The following TCHH variants were observed in gnomAD, a reference collection of about 807,000 sequenced individuals.
The protein encoded by TCHH is trichohyalin.
In TCHH, 6 loss-of-function variants were observed where a neutral mutation model predicts 6.3. That is an observed-to-expected ratio of 0.95 (90% confidence interval 0.52 to 1.88). The LOEUF is 1.88. TCHH is among the 40% of genes most tolerant of loss of function. The pLI is 0.01. For missense variants in TCHH, 2,920 were observed against 2,449.1 expected (o/e 1.19, Z -4.06); for synonymous variants, 1,087 against 963.6 (o/e 1.13, Z -2.37).
chr1:152,113,869 C>T (rs1246420244), intron 2 of TCHH, 74 bp downstream of exon 2: 1 of 1,544,864 alleles, frequency 6.5e-7, no homozygotes, highest in Admixed American at 2.0e-5. Context: ...ACCACCATTC[C>T]TTGCTCTGGT....
rs186021489 is a variant in TCHH at position 152,112,503 on chromosome 1, G to C, written c.714C>G (p.Phe238Leu). Residue 238 changes from phenylalanine (F) to leucine (L), a missense_variant, in exon 3 of 3, where the codon TTC becomes TTG. Phe to Leu is a conservative substitution (Grantham distance 22, BLOSUM62 0). Transcript: ENST00000614923. ...TCCACTCTTTCTCTTCTTCCTCCTG[G>C]AACACTCTGTCTTGCCGCTCTCGCC... ...QQRRERQDRVFQEEEEKEWRK... is the reference protein window; with the variant it reads ...QQRRERQDRVLQEEEEKEWRK... The C allele has an allele frequency of 5.8e-5, 94 of 1,612,954 alleles. No individual in the cohort carries two copies. The East Asian group carries it at 1.9e-3, about 33-fold the overall frequency.
At position 152,109,031 on chromosome 1, in the gene TCHH, C is replaced by T. The variant is rs774764922; in HGVS notation, c.4186G>A (p.Glu1396Lys). The change falls in exon 3 of 3, where the codon GAA becomes AAA. Residue 1396 changes from glutamate to lysine, a missense_variant. Coordinates refer to ENST00000614923, the MANE Select transcript of TCHH (RefSeq NM_007113.4). The stretch of plus-strand genomic sequence containing the variant: ...CGCTCCTGGCAGCGCAGCTGCTGTT[C>T]CTCCTTAAGGAATTTTCTCTCCCGT... ...QERERKFLKEEQQLRCQEREQ... is the reference protein window; with the variant it reads ...QERERKFLKEKQQLRCQEREQ... 3.7e-5 allele frequency: 60 copies of T among 1,613,458 alleles called. No homozygotes were observed. Among genetic ancestry groups the T allele is most frequent in the Non-Finnish European group, 4.8e-5 (57 of 1,179,790 alleles).
At position 152,109,256 on chromosome 1, in the gene TCHH, G is replaced by A. The variant is rs776538223; in HGVS notation, c.3961C>T (p.Leu1321=). ...CTCTTCTCTTCTCTTTCCTCTCTCA[G>A]CAACTGCTTTTCCTCTTGGGACTTC... is the stretch of plus-strand genomic sequence containing the variant. ...DRKSQEEKQL[L]REEREEKRRR... The change falls in exon 3 of 3, where the codon CTG becomes TTG. Residue 1321 remains leucine (L), a synonymous_variant. Coordinates refer to ENST00000614923, the MANE Select transcript of TCHH (RefSeq NM_007113.4). 42 of 1,614,086 alleles carry A rather than the reference G, an allele frequency of 2.6e-5. No individual in the cohort carries two copies. Among genetic ancestry groups the A allele is most frequent in the Middle Eastern group, 3.3e-4 (2 of 6,084 alleles).
In TCHH at chr1:152,110,582, C is replaced by G; in HGVS notation, c.2635G>C (p.Glu879Gln). The G allele has an allele frequency of 1.2e-6, 2 of 1,614,106 alleles. No homozygotes were observed. The highest frequency in any genetic ancestry group is 1.7e-6 in the Non-Finnish European group (2 of 1,179,974). The change falls in exon 3 of 3, where the codon GAA becomes CAA. Residue 879 changes from glutamate (E) to glutamine (Q), a missense_variant. Physicochemically the swap from Glu to Gln is conservative, Grantham distance 29. Coordinates refer to ENST00000614923, the MANE Select transcript of TCHH (RefSeq NM_007113.4). ...RRDQKWRWQL[E>Q]EERKRRRHTL... ...TGGCGGCGTCTCTTCCTTTCTTCTTCTAGTTGCCACCTCCATTTTTGGTCG... is the reference window on the plus strand; with the variant it reads ...TGGCGGCGTCTCTTCCTTTCTTCTTGTAGTTGCCACCTCCATTTTTGGTCG...
rs1004540078 is a variant in TCHH at position 152,106,404 on chromosome 1, G to C, written c.*981C>G. On this transcript the variant is annotated 3_prime_UTR_variant, in exon 3 of 3. Coordinates refer to ENST00000614923, the MANE Select transcript of TCHH (RefSeq NM_007113.4). Reference sequence around the variant, plus strand: ...AAGGTATTATCAATAGGCCTCAAATGATTGTGGGCAAATGGGTCTTGTCAA... The same window carrying C: ...AAGGTATTATCAATAGGCCTCAAATCATTGTGGGCAAATGGGTCTTGTCAA... 3.3e-5 allele frequency: 5 copies of C among 152,142 alleles called. No individual in the cohort carries two copies. Among genetic ancestry groups the C allele is most frequent in the African/African-American group, 4.8e-5 (2 of 41,438 alleles). The allele number at this position is 152,142 out of a possible 1,614,324, so 9.4% of individuals were successfully genotyped here.
In TCHH at chr1:152,111,042, C is replaced by A; in HGVS notation, c.2175G>T (p.Lys725Asn). ...RQSKVYSRPR[K>N]QEGQRRRQEQ... ...CTTGGCGGCGCCTCTGCCCTTCCTGCTTGCGGGGCCTCGAGTAGACTTTGC... is the reference window on the plus strand; with the variant it reads ...CTTGGCGGCGCCTCTGCCCTTCCTGATTGCGGGGCCTCGAGTAGACTTTGC... Residue 725 changes from lysine (K) to asparagine (N), a missense_variant, in exon 3 of 3, where the codon AAG (lysine) becomes AAT (asparagine). Lys to Asn is a moderately conservative substitution (Grantham distance 94). Coordinates refer to ENST00000614923, the MANE Select transcript of TCHH (RefSeq NM_007113.4). The A allele has an allele frequency of 6.2e-7, 1 of 1,613,572 alleles. No homozygotes were observed.
Position 152,112,512 on chromosome 1 carries a change from G to A in TCHH, c.705C>T (p.Asp235=). The change falls in exon 3 of 3, where the codon GAC becomes GAT. Residue 235 remains aspartate (D), a synonymous_variant. Transcript: ENST00000614923. ...EKQQQRRERQ[D]RVFQEEEEKE... ...TCTCTTCTTCCTCCTGGAACACTCTGTCTTGCCGCTCTCGCCTTTGCTGCT... is the reference window on the plus strand; with the variant it reads ...TCTCTTCTTCCTCCTGGAACACTCTATCTTGCCGCTCTCGCCTTTGCTGCT... 1 of 1,613,272 alleles carries A rather than the reference G, an allele frequency of 6.2e-7. No individual in the cohort carries two copies. The highest frequency in any genetic ancestry group is 8.5e-7 in the Non-Finnish European group (1 of 1,179,942).
rs1194130042 is a variant in TCHH at position 152,108,830 on chromosome 1, A to C, written c.4387T>G (p.Phe1463Val). 4 of 1,585,296 alleles carry C rather than the reference A, an allele frequency of 2.5e-6. No individual in the cohort carries two copies. In the African/African-American group the frequency reaches 6.1e-5, roughly 24 times the overall value. ...QQLRQERHRKFREEEQLLQER... is the reference protein window; with the variant it reads ...QQLRQERHRKVREEEQLLQER... ...TGGAGCAGCTGTTCCTCTTCGCGGAATTTTCTGTGACGCTCCTGGCGCAGC... is the reference window on the plus strand; with the variant it reads ...TGGAGCAGCTGTTCCTCTTCGCGGACTTTTCTGTGACGCTCCTGGCGCAGC... Residue 1463 changes from phenylalanine (F) to valine (V), a missense_variant, in exon 3 of 3, where the codon TTC becomes GTC. Phe to Val is a conservative substitution (Grantham distance 50). Transcript: ENST00000614923.
rs766669255 is a variant in TCHH at position 152,107,680 on chromosome 1, C to G, written c.5537G>C (p.Arg1846Pro). The change falls in exon 3 of 3, where the codon CGG becomes CCG. Residue 1846 changes from arginine (R) to proline (P), a missense_variant. Transcript: ENST00000614923. ...CTGCGTGGCAAACTGCTCCTCCGCC[C>G]GGTACTGCCGGTCTCGCTCCTGCCG... ...RLRQERDRQYRAEEQFATQEK... is the reference protein window; with the variant it reads ...RLRQERDRQYPAEEQFATQEK... 2.4e-5 allele frequency: 39 copies of G among 1,612,864 alleles called. No individual in the cohort carries two copies. Among genetic ancestry groups the G allele is most frequent in the Non-Finnish European group, 3.1e-5 (37 of 1,180,054 alleles).
Position 152,111,746 on chromosome 1 carries a change from G to A in TCHH, c.1471C>T (p.Leu491Phe), listed in dbSNP as rs781199869. Residue 491 changes from leucine to phenylalanine, a missense_variant, in exon 3 of 3, where the codon CTC (leucine) becomes TTC (phenylalanine). Physicochemically the swap from Leu to Phe is conservative, Grantham distance 22 (BLOSUM62 0). Transcript: ENST00000614923. ...TGCTCGCGCCTCTCCTCCTCCTCGA[G>A]CTTCAGCCAACGTTCGCGCCTCTCC... ...EEERRERWLK[L>F]EEEERREQQE... The A allele has an allele frequency of 8.9e-6, 14 of 1,578,260 alleles. No homozygotes were observed. The South Asian group carries it at 1.5e-4, about 17-fold the overall frequency.
rs1197146811 is a variant in TCHH, at chr1:152,111,691, C to G, written c.1526G>C (p.Arg509Pro). The G allele has an allele frequency of 6.5e-7, 1 of 1,531,396 alleles. No homozygotes were observed. Among genetic ancestry groups the G allele is most frequent in the Admixed American group, 1.8e-5 (1 of 55,162 alleles). 94.9% of individuals were successfully genotyped at this position (1,531,396 alleles called of 1,614,324 possible). A position where few individuals can be genotyped will look rare whatever the true frequency, so the allele number is the denominator to read the frequency against. Residue 509 changes from arginine to proline, a missense_variant, in exon 3 of 3, where the codon CGG becomes CCG. Arg to Pro is a moderately radical substitution (Grantham distance 103, BLOSUM62 -2). Coordinates refer to ENST00000614923, the MANE Select transcript of TCHH (RefSeq NM_007113.4). ...CTGCTCGCGCCTCTCCTCTTGCTCC[C>G]GCCTTAGTTGCTGCTCGCGCCTCTC... ...QQERREQQLR[R>P]EQEERREQRL...
chr1:152,107,841 C>A lies in TCHH; in HGVS notation c.5376G>T (p.Glu1792Asp). The change falls in exon 3 of 3, where the codon GAG becomes GAT. Residue 1792 changes from glutamate (E) to aspartate (D), a missense_variant. Coordinates refer to ENST00000614923, the MANE Select transcript of TCHH (RefSeq NM_007113.4). ...EREEQQLRSQ[E>D]SDRKFREEEQ... ...CCTCCTCGCGGAATTTTCTGTCAGA[C>A]TCTTGGCTGCGCAGCTGCTGTTCCT... The A allele has an allele frequency of 1.9e-6, 3 of 1,613,512 alleles. No individual in the cohort carries two copies. Among genetic ancestry groups the A allele is most frequent in the Non-Finnish European group, 2.5e-6 (3 of 1,179,828 alleles).
At position 152,113,931 on chromosome 1, in the gene TCHH, G is replaced by A; in HGVS notation, c.138+12C>T. 1 of 1,606,656 alleles carries A rather than the reference G, an allele frequency of 6.2e-7. No individual in the cohort carries two copies. Among genetic ancestry groups the A allele is most frequent in the Non-Finnish European group, 8.5e-7 (1 of 1,177,992 alleles). ...TCAAGTCAATAGATCTCATTTTCTT[G>A]TTAGTTCTTACCCGAAGCACAGCTC... On this transcript the variant is annotated intron_variant, in intron 2 of 2. Transcript: ENST00000614923.
rs1658455097 is a variant in TCHH, at chr1:152,114,082, T to C, written c.-2A>G. 1 of 1,596,744 alleles carries C rather than the reference T, an allele frequency of 6.3e-7. No homozygotes were observed. Among genetic ancestry groups the C allele is most frequent in the African/African-American group, 1.4e-5 (1 of 73,586 alleles). On this transcript the variant is annotated 5_prime_UTR_variant, in exon 2 of 3. Coordinates refer to ENST00000614923, the MANE Select transcript of TCHH (RefSeq NM_007113.4). Reference sequence around the variant, plus strand: ...GATGCTTCTCAGAAGTGGAGACATTTTTTTTTCTTTCCTTCAAGTTCAAGT... The same window carrying C: ...GATGCTTCTCAGAAGTGGAGACATTCTTTTTTCTTTCCTTCAAGTTCAAGT...
chr1:152,113,851 A>C, intron 2 of TCHH, 92 bp downstream of exon 2: 1 of 1,453,766 alleles, frequency 6.9e-7, no homozygotes, highest in Non-Finnish European at 9.3e-7. Flanking sequence ...GTGTAAAATG[A>C]ATATAAAACC....
intron 2 of TCHH, 92 bp from the exon 3 acceptor site, chr1:152,113,170 C>T (rs186563334): frequency 8.1e-7 from 1 of 1,237,608 alleles, no homozygotes; most frequent in East Asian, 2.5e-5. Flanking sequence ...GCTATGCTGA[C>T]ATTCAAGAGA....
Position 152,109,225 on chromosome 1 carries a change from C to T in TCHH, c.3992G>A (p.Arg1331His), listed in dbSNP as rs147036704. Residue 1331 changes from arginine (R) to histidine (H), a missense_variant, in exon 3 of 3, where the codon CGT (arginine) becomes CAT (histidine). By Grantham distance (29) the Arg-to-His change is conservative. Coordinates refer to ENST00000614923, the MANE Select transcript of TCHH (RefSeq NM_007113.4). Reference protein sequence around the residue: ...LREEREEKRRRQETDRKFREE... With the variant: ...LREEREEKRRHQETDRKFREE... ...GCGGAATTTTCTGTCTGTCTCTTGA[C>T]GGCGTCTCTTCTCTTCTCTTTCCTC... The T allele has an allele frequency of 1.7e-5, 28 of 1,614,244 alleles. 1 individual carries two copies. The highest frequency in any genetic ancestry group is 3.3e-5 in the South Asian group (3 of 91,090).
Position 152,107,665 on chromosome 1 carries a change from A to T in TCHH, c.5552T>A (p.Phe1851Tyr). The T allele has an allele frequency of 6.2e-7, 1 of 1,613,462 alleles. No homozygotes were observed. Among genetic ancestry groups the T allele is most frequent in the Non-Finnish European group, 8.5e-7 (1 of 1,180,012 alleles). The change falls in exon 3 of 3, where the codon TTT becomes TAT. Residue 1851 changes from phenylalanine to tyrosine, a missense_variant. Physicochemically the swap from Phe to Tyr is conservative, Grantham distance 22. Coordinates refer to ENST00000614923, the MANE Select transcript of TCHH (RefSeq NM_007113.4). ...RDRQYRAEEQ[F>Y]ATQEKSRREE... ...ACGACGACTCTTCTCCTGCGTGGCA[A>T]ACTGCTCCTCCGCCCGGTACTGCCG... is the stretch of plus-strand genomic sequence containing the variant.
At position 152,108,641 on chromosome 1, in the gene TCHH, G is replaced by C; in HGVS notation, c.4576C>G (p.Arg1526Gly). 2 of 1,609,600 alleles carry C rather than the reference G, an allele frequency of 1.2e-6. No individual in the cohort carries two copies. Among genetic ancestry groups the C allele is most frequent in the East Asian group, 2.3e-5 (1 of 44,170 alleles). The change falls in exon 3 of 3, where the codon CGC becomes GGC. Residue 1526 changes from arginine to glycine, a missense_variant. Arg to Gly is a moderately radical substitution (Grantham distance 125, BLOSUM62 -2). Transcript: ENST00000614923. The stretch of plus-strand genomic sequence containing the variant: ...AGGAATTTTCTCTGCCGTTGCTGGC[G>C]GTGCAGCTGCTGTTCCTCCTCGAGG... The part of the protein sequence containing the change: ...KFLEEEQQLH[R>G]QQRQRKFLQE...
Sources: allele counts gnomAD v4.1 joint callset, GRCh38; gene constraint gnomAD v4.1.1; transcripts MANE v1.5; gene names NCBI Gene and HGNC (gene_info 2026-07-23, HGNC 2026-07-21).